CPLANE1: variants seen among roughly 807,000 people sequenced by gnomAD.
CPLANE1 encodes ciliogenesis and planar polarity effector complex subunit 1.
A neutral mutation model predicts 362.5 loss-of-function variants in CPLANE1; 263 were observed. The observed-to-expected ratio is 0.73, with a 90% CI of 0.66 to 0.80. The LOEUF is 0.80. CPLANE1 is among the 30% of genes least tolerant of loss of function. The pLI, the probability that CPLANE1 is intolerant of heterozygous loss-of-function variation, is 0.00. For synonymous variants in CPLANE1, 1,212 were observed against 1,302.6 expected, an observed-to-expected ratio of 0.93 and a Z score of 1.50; for missense variants, 3,461 against 3,793.4, an observed-to-expected ratio of 0.91 and a Z score of 2.30.
intron 18 of CPLANE1, among the ~76,000 whole-genome samples, chr5:37,203,315 ACTT>A (rs1236732000): frequency 6.6e-6 from 1 of 152,146 alleles, no homozygotes; most frequent in African/African-American, 2.4e-5. Flanking sequence ...TTCTTTCAGG[ACTT>A]CTTACCATGA....
chr5:37,133,762 C>G (rs922800599), intron 46 of CPLANE1, among the ~76,000 whole-genome samples: 1 of 151,980 alleles, frequency 6.6e-6, no homozygotes, highest in African/African-American at 2.4e-5. Flanking sequence ...GGATGCCTTA[C>G]GTTTATTTCT....
rs6860727 is a variant in CPLANE1, at chr5:37,179,239, G to A, written c.5820+122C>T. On this transcript the variant is annotated intron_variant, in intron 29 of 52. Coordinates refer to ENST00000651892, the MANE Select transcript of CPLANE1 (RefSeq NM_001384732.1). ...AGCATGGCTATATTCTACAACCCATGGTGCATTTTTAAGAGCTAGCCCTGC... is the reference window on the plus strand; with the variant it reads ...AGCATGGCTATATTCTACAACCCATAGTGCATTTTTAAGAGCTAGCCCTGC... 0.42 allele frequency: 275,081 copies of A among 658,734 alleles called. 62,697 individuals are homozygous for A. The highest frequency in any genetic ancestry group is 0.8 in the African/African-American group (44,020 of 54,698). The allele number at this position is 658,734 out of a possible 1,614,324, so 40.8% of individuals were successfully genotyped here.
In CPLANE1 at chr5:37,114,975, C is replaced by A; in HGVS notation, c.9385G>T (p.Val3129Phe). The A allele has an allele frequency of 1.2e-6, 2 of 1,607,520 alleles. No homozygotes were observed. The highest frequency in any genetic ancestry group is 1.7e-6 in the Non-Finnish European group (2 of 1,175,230). ...TATCCCTTACCTTTTTGGAAGGTAA[C>A]TGGAGACTGCGTAGCCTTTCTTACT... The part of the protein sequence containing the change: ...AAVRKATQSP[V>F]TFQKGSNAPC... Residue 3129 changes from valine to phenylalanine, a missense_variant, in exon 51 of 53, where the codon GTT becomes TTT. Val to Phe is a conservative substitution (Grantham distance 50). Transcript: ENST00000651892.
intron 8 of CPLANE1, among the ~76,000 whole-genome samples, chr5:37,234,943 C>T (rs928474058): frequency 1.3e-5 from 2 of 152,070 alleles, no homozygotes; most frequent in African/African-American, 4.8e-5. Flanking sequence ...TACAAGGATG[C>T]CTACTTTTAC....
At position 37,183,609 on chromosome 5, in the gene CPLANE1, T is replaced by C; in HGVS notation, c.4572A>G (p.Lys1524=). The part of the protein sequence containing the change: ...MCNQKENPTK[K]EDHEKLSQNT... ...TTTGTGATAACTTTTCATGATCTTC[T>C]TTCTTTGTAGGATTTTCTTTCTGAT... Residue 1524 remains lysine (K), a synonymous_variant, in exon 26 of 53, where the codon AAA becomes AAG. Transcript: ENST00000651892. The C allele has an allele frequency of 6.2e-7, 1 of 1,612,854 alleles. No individual in the cohort carries two copies. The highest frequency in any genetic ancestry group is 8.5e-7 in the Non-Finnish European group (1 of 1,179,374).
At chr5:37,141,265 A>G (rs920378502) in intron 44 of CPLANE1, 1 of 985,318 alleles carries the variant, frequency 1.0e-6, no homozygotes, top group East Asian at 1.1e-4. Flanking sequence ...GATAAAATGG[A>G]GTGTAAACTT....
At chr5:37,132,507 G>T (rs1229069347) in intron 46 of CPLANE1, among the ~76,000 whole-genome samples, 1 of 151,910 alleles carries the variant, frequency 6.6e-6, no homozygotes, top group East Asian at 1.9e-4. Context: ...ACCACGCCCG[G>T]CTAATTTTTT....
rs1312148072 is a variant in CPLANE1 at position 37,106,479 on chromosome 5, A to G, written c.*1123T>C. Reference sequence around the variant, plus strand: ...TGTACAACTATCATGTATCAATAAAATACCCATAGAATATACAAAAAAGAA... The same window carrying G: ...TGTACAACTATCATGTATCAATAAAGTACCCATAGAATATACAAAAAAGAA... On this transcript the variant is annotated 3_prime_UTR_variant, in exon 53 of 53. Transcript: ENST00000651892. The G allele has an allele frequency of 8.1e-6, 3 of 371,212 alleles. No individual in the cohort carries two copies. Among genetic ancestry groups the G allele is most frequent in the African/African-American group, 6.5e-5 (3 of 45,888 alleles). The allele number at this position is 371,212 out of a possible 1,614,324, so 23.0% of individuals were successfully genotyped here.
chr5:37,205,893 A>AAT lies in CPLANE1; in HGVS notation c.3149+303_3149+304insAT, dbSNP rs773741127. On this transcript the variant is annotated intron_variant, in intron 17 of 52. Coordinates refer to ENST00000651892, the MANE Select transcript of CPLANE1 (RefSeq NM_001384732.1). Reference sequence around the variant, plus strand: ...GCCCCTGGCTATTAATAAATGTTTTAACACAAATAAGTAAGCCACTGAGCT... The same window carrying AAT: ...GCCCCTGGCTATTAATAAATGTTTTAATACACAAATAAGTAAGCCACTGAGCT... Among the ~76,000 whole-genome samples the AAT allele has an allele frequency of 1.6e-4, 25 of 152,326 alleles. No individual in the cohort carries two copies. The South Asian group carries it at 5.0e-3, about 30-fold the overall frequency.
At chr5:37,119,181 T>C (rs1390882705) in intron 50 of CPLANE1, among the ~76,000 whole-genome samples, 2 of 151,988 alleles carry the variant, frequency 1.3e-5, no homozygotes, top group Non-Finnish European at 2.9e-5. Context: ...AATGGGAAAA[T>C]AATTTTCAAA....
Position 37,157,694 on chromosome 5 carries a change from G to T in CPLANE1, c.7987C>A (p.Pro2663Thr). Residue 2663 changes from proline to threonine, a missense_variant, in exon 40 of 53, where the codon CCC (proline) becomes ACC (threonine). Pro to Thr is a conservative substitution (Grantham distance 38). This residue lies in a region of CPLANE1 where 3,380 missense variants were observed against 3,666.1 expected (regional missense o/e 0.92). Coordinates refer to ENST00000651892, the MANE Select transcript of CPLANE1 (RefSeq NM_001384732.1). ...CCTTGACTCTTAAAATTATGTGGGG[G>T]AACAGCATTAGTAACTGAAGCTGCC... ...YMAASVTNAV[P>T]PHNFKSQEVT... 9 of 1,613,368 alleles carry T rather than the reference G, an allele frequency of 5.6e-6. No homozygotes were observed. The highest frequency in any genetic ancestry group is 7.6e-6 in the Non-Finnish European group (9 of 1,179,670).
chr5:37,148,365 C>A, intron 42 of CPLANE1, 97 bp from the exon 43 acceptor site: 2 of 801,328 alleles, frequency 2.5e-6, no homozygotes, highest in Admixed American at 3.0e-5. Flanking sequence ...TGCATTAATG[C>A]AAAAGTGAAA....
intron 43 of CPLANE1, among the ~76,000 whole-genome samples, chr5:37,143,682 C>T (rs1770496516): frequency 6.6e-6 from 1 of 152,080 alleles, no homozygotes; most frequent in Non-Finnish European, 1.5e-5. Flanking sequence ...ACCTGTAATC[C>T]CAGCACTTTG....
At chr5:37,101,693 A>G (rs574987545), downstream of CPLANE1, among the ~76,000 whole-genome samples, 1 of 151,976 alleles carries the variant, frequency 6.6e-6, no homozygotes, top group Non-Finnish European at 1.5e-5. Flanking sequence ...TCTTCTTTGT[A>G]CCTCTGATAC....
At chr5:37,214,426 G>C (rs1386052959) in intron 15 of CPLANE1, among the ~76,000 whole-genome samples, 1 of 152,124 alleles carries the variant, frequency 6.6e-6, no homozygotes, top group African/African-American at 2.4e-5. Context: ...AGTAAGCTGA[G>C]ATTGTGCCAG....
chr5:37,148,391 C>A (rs1772391006), intron 42 of CPLANE1, 123 bp from the exon 43 acceptor site: 1 of 587,414 alleles, frequency 1.7e-6, no homozygotes, highest in Non-Finnish European at 2.8e-6. Context: ...GGGATTAAAT[C>A]CAATATAAGC....
chr5:37,128,489 T>C (rs1224027383), intron 46 of CPLANE1, among the ~76,000 whole-genome samples: 1 of 152,140 alleles, frequency 6.6e-6, no homozygotes, highest in East Asian at 1.9e-4. Context: ...CAAATAACAA[T>C]ACAAATGGAA....
chr5:37,204,510 A>T (rs1238937305), intron 18 of CPLANE1, among the ~76,000 whole-genome samples: 1 of 152,208 alleles, frequency 6.6e-6, no homozygotes, highest in Non-Finnish European at 1.5e-5. Flanking sequence ...GAACTTTTCA[A>T]ATAAAAAAGA....
At chr5:37,181,380 A>C (rs970530767) in intron 26 of CPLANE1, among the ~76,000 whole-genome samples, 2 of 152,244 alleles carry the variant, frequency 1.3e-5, no homozygotes, top group African/African-American at 4.8e-5. Flanking sequence ...ACAAAAATAC[A>C]TGCAGCTAAA....
Sources: gnomAD v4.1 joint callset for allele counts (sites outside exome capture counted in the v4.1 genomes callset) on GRCh38, gnomAD v4.1.1 for gene constraint, gnomAD v4.1.1 regional missense constraint, MANE v1.5 for transcripts, NCBI Gene and HGNC (gene_info 2026-07-23, HGNC 2026-07-21) for gene names.